E2F7: variants seen among roughly 807,000 people sequenced by gnomAD.
E2F7 encodes transcription factor E2F7.
A neutral mutation model predicts 81.1 loss-of-function variants in E2F7; 35 were observed. That is an observed-to-expected ratio of 0.43 (90% CI 0.33 to 0.57). The LOEUF (loss-of-function observed/expected upper bound fraction) is 0.57, where lower values mean the gene tolerates loss of function less well. E2F7 is among the 20% of genes least tolerant of loss of function. The pLI, the probability that E2F7 is intolerant of heterozygous loss-of-function variation, is 0.04. For missense variants in E2F7, 961 were observed against 1,093.7 expected, an observed-to-expected ratio of 0.88 and a Z score of 1.71; for synonymous variants, 416 against 416.2, an observed-to-expected ratio of 1.00 and a Z score of 0.01.
At chr12:77,043,004 T>C (rs879219218) in intron 7 of E2F7, 61 bp downstream of exon 7, 2 of 1,611,818 alleles carry the variant, frequency 1.2e-6, no homozygotes, top group Non-Finnish European at 1.7e-6. Context: ...GATGTGAGAC[T>C]TGGAAAAGGA....
rs1955027732 is a variant in E2F7, at chr12:77,055,895, G to T, written c.329C>A (p.Pro110His). The change falls in exon 3 of 13, where the codon CCC (proline) becomes CAC (histidine). Residue 110 changes from proline to histidine, a missense_variant. Transcript: ENST00000322886. The part of the protein sequence containing the change: ...DREKKKGLFR[P>H]IENKDDAFTD... Reference sequence around the variant, plus strand: ...AAATGCATCGTCCTTGTTTTCAATGGGTCGGAATAGTCCCTTTTTCTTCTC... The same window carrying T: ...AAATGCATCGTCCTTGTTTTCAATGTGTCGGAATAGTCCCTTTTTCTTCTC... 1 of 1,613,858 alleles carries T rather than the reference G, an allele frequency of 6.2e-7. No individual in the cohort carries two copies. The highest frequency in any genetic ancestry group is 1.3e-5 in the African/African-American group (1 of 74,850).
At chr12:77,043,925 A>T (rs1954916869) in intron 6 of E2F7, among the ~76,000 whole-genome samples, 2 of 152,232 alleles carry the variant, frequency 1.3e-5, no homozygotes, top group Non-Finnish European at 2.9e-5. Flanking sequence ...ACTTGACCTC[A>T]GTGTTAAGAT....
chr12:77,025,471 C>T (rs1309603998), intron 12 of E2F7, 87 bp downstream of exon 12: 1 of 1,477,064 alleles, frequency 6.8e-7, no homozygotes, highest in East Asian at 2.3e-5. Flanking sequence ...GTGCCTCTGT[C>T]CGGCAGTCAT....
intron 10 of E2F7, 147 bp from the exon 11 acceptor site, chr12:77,028,285 A>T (rs947283496): frequency 9.5e-7 from 1 of 1,054,224 alleles, no homozygotes; most frequent in East Asian, 2.7e-5. Flanking sequence ...CTCTGACTCC[A>T]AGGTTCAAGT....
rs1955113327 is a variant in E2F7 at position 77,065,485 on chromosome 12, G to C, written c.-141C>G. The stretch of plus-strand genomic sequence containing the variant: ...AGGCGCGCAGATCCCCGCGCCGAGT[G>C]CCCTGGGCTGGCGGGGACCCCGCGG... On this transcript the variant is annotated 5_prime_UTR_variant, in exon 1 of 13. Transcript: ENST00000322886. The C allele has an allele frequency of 2.0e-5, 3 of 152,638 alleles. No homozygotes were observed. Among genetic ancestry groups the C allele is most frequent in the Admixed American group, 2.0e-4 (3 of 15,310 alleles). The allele number at this position is 152,638 out of a possible 1,614,324, so 9.5% of individuals were successfully genotyped here.
intron 7 of E2F7, among the ~76,000 whole-genome samples, chr12:77,037,038 C>T (rs559767352): frequency 1.8e-4 from 27 of 152,286 alleles, no homozygotes; most frequent in African/African-American, 4.8e-4. Context: ...CGTGAGCCAC[C>T]GCGCCCGGCC....
intron 11 of E2F7, among the ~76,000 whole-genome samples, chr12:77,026,237 C>T (rs1416659722): frequency 1.3e-5 from 2 of 152,104 alleles, no homozygotes; most frequent in East Asian, 1.9e-4. Flanking sequence ...TCCACTGAAC[C>T]CAAACTGAGA....
chr12:77,056,574 T>C (rs572244139), intron 2 of E2F7, among the ~76,000 whole-genome samples: 39 of 152,184 alleles, frequency 2.6e-4, no homozygotes, highest in Non-Finnish European at 3.5e-4. Context: ...GCAGGACCAG[T>C]TAATGGAAGA....
intron 2 of E2F7, among the ~76,000 whole-genome samples, chr12:77,057,544 C>T (rs990221205): frequency 2.0e-5 from 3 of 152,192 alleles, no homozygotes; most frequent in Non-Finnish European, 1.5e-5. Flanking sequence ...TCTCAAGTTC[C>T]GTTCTTAATT....
At chr12:77,057,399 G>A (rs960032979) in intron 2 of E2F7, among the ~76,000 whole-genome samples, 13 of 151,770 alleles carry the variant, frequency 8.6e-5, no homozygotes, top group African/African-American at 1.9e-4. Context: ...TGTAGAGATC[G>A]GGGTCTCACT....
rs1262445788 is a variant in E2F7, at chr12:77,030,136, C to G, written c.1579G>C (p.Ala527Pro). 1 of 1,614,192 alleles carries G rather than the reference C, an allele frequency of 6.2e-7. No individual in the cohort carries two copies. Among genetic ancestry groups the G allele is most frequent in the Admixed American group, 1.7e-5 (1 of 60,020 alleles). ...GLNGQVDVSL[A>P]SAASAVESLK... ...CTCTCCACAGCAGAGGCTGCAGAAG[C>G]AAGTGAGACATCCACTTGTCCATTC... The change falls in exon 10 of 13, where the codon GCT (alanine) becomes CCT (proline). Residue 527 changes from alanine (A) to proline (P), a missense_variant. Coordinates refer to ENST00000322886, the MANE Select transcript of E2F7 (RefSeq NM_203394.3).
chr12:77,052,172 A>G (rs1461291122), intron 3 of E2F7, among the ~76,000 whole-genome samples: 3 of 152,218 alleles, frequency 2.0e-5, no homozygotes, highest in Non-Finnish European at 4.4e-5. Context: ...GTCTTCATAG[A>G]TAAGAAAACT....
chr12:77,051,690 T>A (rs1954990784), intron 3 of E2F7, among the ~76,000 whole-genome samples: 1 of 152,128 alleles, frequency 6.6e-6, no homozygotes, highest in South Asian at 2.1e-4. Flanking sequence ...CAATGAAAGG[T>A]ATTCATGAAA....
chr12:77,044,541 C>A, intron 6 of E2F7, 96 bp downstream of exon 6: 1 of 1,459,428 alleles, frequency 6.9e-7, no homozygotes. Context: ...ATGTCAAAAA[C>A]AATATATATA....
At chr12:77,056,164 GA>G in intron 2 of E2F7, 34 bp from the exon 3 acceptor site, 1 of 1,550,632 alleles carries the variant, frequency 6.4e-7, no homozygotes. Flanking sequence ...GCAAGAATGA[GA>G]AAGGGCAGGT....
chr12:77,025,649 C>T lies in E2F7; in HGVS notation c.2474G>A (p.Ser825Asn). 6.2e-7 allele frequency: 1 copy of T among 1,614,132 alleles called. No individual in the cohort carries two copies. Among genetic ancestry groups the T allele is most frequent in the Non-Finnish European group, 8.5e-7 (1 of 1,180,026 alleles). ...ACTGTGTGACCTTGACATCACTGGA[C>T]TTAGGTTTAGTGAGGGCTGACTCTG... Reference protein sequence around the residue: ...QLQSQPSLNLSPVMSRSHSVV... With the variant: ...QLQSQPSLNLNPVMSRSHSVV... The change falls in exon 12 of 13, where the codon AGT (serine) becomes AAT (asparagine). Residue 825 changes from serine (S) to asparagine (N), a missense_variant. Transcript: ENST00000322886.
At chr12:77,059,943 A>C in intron 2 of E2F7, among the ~76,000 whole-genome samples, 1 of 138,660 alleles carries the variant, frequency 7.2e-6, no homozygotes, top group Non-Finnish European at 1.5e-5. Context: ...AGCCTGGGTG[A>C]CAGCGAGATT....
chr12:77,031,673 C>T (rs973705133), intron 9 of E2F7, among the ~76,000 whole-genome samples: 12 of 151,976 alleles, frequency 7.9e-5, no homozygotes, highest in African/African-American at 2.7e-4. Context: ...GAAAACAAAA[C>T]AAAACAAAAT....
At chr12:77,038,800 A>T (rs1463286961) in intron 7 of E2F7, among the ~76,000 whole-genome samples, 1 of 152,202 alleles carries the variant, frequency 6.6e-6, no homozygotes, top group Non-Finnish European at 1.5e-5. Flanking sequence ...TGTAGTTAAA[A>T]ACCTTCTCAC....
Sources: allele counts gnomAD v4.1 joint callset (sites outside exome capture counted in the v4.1 genomes callset), GRCh38; gene constraint gnomAD v4.1.1; transcripts MANE v1.5; gene names NCBI Gene and HGNC (gene_info 2026-07-23, HGNC 2026-07-21).